CIC: variants seen among roughly 807,000 people sequenced by gnomAD.
CIC encodes the protein capicua transcriptional repressor.
CIC carries 18 observed loss-of-function variants against 115.7 expected under a neutral mutation model. The observed-to-expected ratio is 0.16, with a 90% CI of 0.11 to 0.23. CIC has a LOEUF of 0.23. CIC is among the 10% of genes least tolerant of loss of function. The pLI, the probability that CIC is intolerant of heterozygous loss-of-function variation, is 1.00. For synonymous variants in CIC, 1,076 were observed against 923.0 expected (o/e 1.17, Z -3.01); for missense variants, 2,000 against 2,159.3 (o/e 0.93, Z 1.46).
chr19:42,288,894 C>T lies in CIC; in HGVS notation c.3665C>T (p.Ser1222Phe). Residue 1222 changes from serine to phenylalanine, a missense_variant, in exon 8 of 21, where the codon TCT becomes TTT. Physicochemically the swap from Ser to Phe is radical, Grantham distance 155. This residue lies in a region of CIC where 1,466 missense variants were observed against 1,390.4 expected (regional missense o/e 1.05). Coordinates refer to ENST00000681038, the MANE Select transcript of CIC (RefSeq NM_001386298.1). ...TGTAAAPGVS[S>F]ELLSVAAQTL... ...GCCACTCTCTACTTTACAGTGTCCT[C>T]TGAGCTCCTGTCCGTTGCAGCCCAG... 6.2e-7 allele frequency: 1 copy of T among 1,613,992 alleles called. No individual in the cohort carries two copies. Among genetic ancestry groups the T allele is most frequent in the East Asian group, 2.2e-5 (1 of 44,888 alleles).
In CIC at chr19:42,286,903, C is replaced by T; in HGVS notation, c.2927C>T (p.Ala976Val). 1 of 1,611,630 alleles carries T rather than the reference C, an allele frequency of 6.2e-7. No individual in the cohort carries two copies. ...CAGCAACCTGCCAGCCACCCAGTGG[C>T]CTCCAACCAGAGCAAAGGTGAGGGC... ...EAQQPASHPV[A>V]SNQSKEPAES... The change falls in exon 3 of 21, where the codon GCC (alanine) becomes GTC (valine). Residue 976 changes from alanine (A) to valine (V), a missense_variant. Coordinates refer to ENST00000681038, the MANE Select transcript of CIC (RefSeq NM_001386298.1).
At chr19:42,277,453 C>T (rs2037027922) in intron 2 of CIC, among the ~76,000 whole-genome samples, 1 of 152,314 alleles carries the variant, frequency 6.6e-6, no homozygotes, top group African/African-American at 2.4e-5. Flanking sequence ...TGGTCTTCAA[C>T]TCCTGACCTC....
chr19:42,276,626 G>GT (rs1226023856), intron 2 of CIC, among the ~76,000 whole-genome samples: 1 of 152,218 alleles, frequency 6.6e-6, no homozygotes, highest in Non-Finnish European at 1.5e-5. Flanking sequence ...TGAGCTGTGT[G>GT]TTTCACCCTG....
chr19:42,275,126 T>C (rs1480606227), intron 2 of CIC, among the ~76,000 whole-genome samples: 1 of 152,206 alleles, frequency 6.6e-6, no homozygotes, highest in Non-Finnish European at 1.5e-5. Flanking sequence ...CAGGGTTACA[T>C]GGCTAGTCAA....
Position 42,280,893 on chromosome 19 carries a change from C to A in CIC, c.2795-5878C>A, listed in dbSNP as rs1599867364. ...CTTTCCCGCCCCCGCACCTTCCCTT[C>A]CCCAAACCCACGTCTCTCAACCCCC... On this transcript the variant is annotated intron_variant, in intron 2 of 20. Coordinates refer to ENST00000681038, the MANE Select transcript of CIC (RefSeq NM_001386298.1). This position sits in a 1 kb window ranked among gnomAD's most constrained non-coding sequence, Gnocchi z 4.9. Among the ~76,000 whole-genome samples the A allele has an allele frequency of 6.7e-6, 1 of 149,144 alleles. No individual in the cohort carries two copies. Among genetic ancestry groups the A allele is most frequent in the African/African-American group, 2.4e-5 (1 of 40,848 alleles).
At chr19:42,291,919 C>T (rs192928369) in intron 12 of CIC, among the ~76,000 whole-genome samples, 167 bp from the exon 13 acceptor site, 8 of 152,310 alleles carry the variant, frequency 5.3e-5, no homozygotes, top group South Asian at 4.1e-4. Context: ...TCTGTACCCT[C>T]CTCCTTCTCT....
chr19:42,289,150 C>T (rs556840228), intron 8 of CIC, 31 bp from the exon 9 acceptor site: 21 of 1,613,178 alleles, frequency 1.3e-5, no homozygotes, highest in African/African-American at 4.0e-5. Flanking sequence ...GCAGCAGCCC[C>T]GCTGAACCCT....
At chr19:42,285,545 C>T (rs1358469442) in intron 2 of CIC, among the ~76,000 whole-genome samples, 1 of 152,212 alleles carries the variant, frequency 6.6e-6, no homozygotes, top group African/African-American at 2.4e-5. Context: ...GTCTCGAGGC[C>T]AGTGCCTCGC....
chr19:42,291,993 C>T, intron 12 of CIC, 93 bp from the exon 13 acceptor site: 23 of 1,576,732 alleles, frequency 1.5e-5, no homozygotes, highest in Non-Finnish European at 1.9e-5. Flanking sequence ...GTGTTCCTTG[C>T]TTTTGCTTAG....
At chr19:42,271,496 C>T (rs972428426) in intron 1 of CIC, among the ~76,000 whole-genome samples, 2 of 152,198 alleles carry the variant, frequency 1.3e-5, no homozygotes, top group African/African-American at 4.8e-5. Flanking sequence ...CTTTTGATGT[C>T]CCCTTGGGGC....
In CIC at chr19:42,295,141, C is replaced by CGG; in HGVS notation, c.7504_7505insGG (p.Gln2502ArgfsTer28). ...ACAGCCTGGCTGGGAGGGGGCTCCC[C>CGG]AGCCCTCCCCCCCACCCCCAGGTCC... On this transcript the variant is annotated frameshift_variant, in exon 21 of 21. Transcript: ENST00000681038. LOFTEE classifies it high-confidence loss of function. 7.0e-7 allele frequency: 1 copy of CGG among 1,430,156 alleles called. No individual in the cohort carries two copies. Among genetic ancestry groups the CGG allele is most frequent in the Non-Finnish European group, 9.3e-7 (1 of 1,073,646 alleles). 88.6% of individuals were successfully genotyped at this position (1,430,156 alleles called of 1,614,324 possible).
intron 2 of CIC, among the ~76,000 whole-genome samples, chr19:42,285,358 G>A (rs987877767): frequency 2.0e-5 from 3 of 152,192 alleles, no homozygotes; most frequent in Admixed American, 1.3e-4. Context: ...TTTGCAAAGA[G>A]AGGCACAGGT....
At chr19:42,276,618 A>G (rs1446848394) in intron 2 of CIC, among the ~76,000 whole-genome samples, 1 of 152,182 alleles carries the variant, frequency 6.6e-6, no homozygotes, top group African/African-American at 2.4e-5. Context: ...TGAGGCTGTG[A>G]GCTGTGTGTT....
chr19:42,291,664 TGGAGGG>T lies in CIC; in HGVS notation c.5534_5539del (p.Gly1845_Gly1846del). The T allele has an allele frequency of 1.3e-6, 2 of 1,596,264 alleles. No homozygotes were observed. Among genetic ancestry groups the T allele is most frequent in the Non-Finnish European group, 8.5e-7 (1 of 1,174,054 alleles). On this transcript the variant is annotated inframe_deletion, in exon 12 of 21. Coordinates refer to ENST00000681038, the MANE Select transcript of CIC (RefSeq NM_001386298.1). ...CCGCCCCTAGCATGTCAGTGCGGGGTGGAGGGGCCGGCCAGCCACTGCCACTGGTGA... is the reference window on the plus strand; with the variant it reads ...CCGCCCCTAGCATGTCAGTGCGGGGTGCCGGCCAGCCACTGCCACTGGTGA...
Position 42,295,448 on chromosome 19 carries a change from C to T in CIC, c.*257C>T, listed in dbSNP as rs1374052426. 1 of 469,450 alleles carries T rather than the reference C, an allele frequency of 2.1e-6. No individual in the cohort carries two copies. Among genetic ancestry groups the T allele is most frequent in the Non-Finnish European group, 3.8e-6 (1 of 263,366 alleles). The allele number at this position is 469,450 out of a possible 1,614,324, so 29.1% of individuals were successfully genotyped here. A position where few individuals can be genotyped will look rare whatever the true frequency, so the allele number is the denominator to read the frequency against. ...AACCTGGAGCGTGTGACCTTCAGAG[C>T]TTTTCACTTTATGCAAAATGGCTCC... On this transcript the variant is annotated 3_prime_UTR_variant, in exon 21 of 21. Transcript: ENST00000681038.
Position 42,290,566 on chromosome 19 carries a change from C to G in CIC, c.4525C>G (p.Arg1509Gly). 6.2e-7 allele frequency: 1 copy of G among 1,613,696 alleles called. No individual in the cohort carries two copies. Among genetic ancestry groups the G allele is most frequent in the African/African-American group, 1.3e-5 (1 of 75,028 alleles). Residue 1509 changes from arginine (R) to glycine (G), a missense_variant, in exon 11 of 21, where the codon CGC becomes GGC. Physicochemically the swap from Arg to Gly is moderately radical, Grantham distance 125 (BLOSUM62 -2). Transcript: ENST00000681038. The stretch of plus-strand genomic sequence containing the variant: ...CCCAATGGATCCTGCCACCTTCCGG[C>G]GCAAGAGACCCGAAAGTGTGGGTGG... ...FLPMDPATFR[R>G]KRPESVGGLE...
intron 19 of CIC, 115 bp from the exon 20 acceptor site, chr19:42,294,489 C>G (rs780154157): frequency 1.9e-6 from 3 of 1,570,438 alleles, no homozygotes; most frequent in East Asian, 4.5e-5. Context: ...GGCAGGACCC[C>G]TCTCTGACTC....
rs1599927547 is a variant in CIC at position 42,292,549 on chromosome 19, T to G, written c.5903-17T>G. 1 of 1,612,718 alleles carries G rather than the reference T, an allele frequency of 6.2e-7. No individual in the cohort carries two copies. On this transcript the variant is annotated splice_polypyrimidine_tract_variant and intron_variant, in intron 14 of 20. Coordinates refer to ENST00000681038, the MANE Select transcript of CIC (RefSeq NM_001386298.1). ...GGCCCTAACTTGGTCTCCTGCTTCTTCTTCTCTGTCTTTCAGCAGGCCAAG... is the reference window on the plus strand; with the variant it reads ...GGCCCTAACTTGGTCTCCTGCTTCTGCTTCTCTGTCTTTCAGCAGGCCAAG...
At position 42,270,572 on chromosome 19, in the gene CIC, G is replaced by C. The variant is rs1339359856; in HGVS notation, c.-11+1191G>C. On this transcript the variant is annotated intron_variant, in intron 1 of 20. Transcript: ENST00000681038. The surrounding 1 kb of genome is among the most constrained non-coding windows in gnomAD (Gnocchi z 4.1). ...TGGGTGAGGTTGGCCTGTTGGGCTT[G>C]TCCTGCTTTCTTTGACCTTATCCCA... 1.3e-5 allele frequency among the ~76,000 whole-genome samples: 2 copies of C among 152,230 alleles called. No individual in the cohort carries two copies. The highest frequency in any genetic ancestry group is 2.9e-5 in the Non-Finnish European group (2 of 68,044).
Sources: gnomAD v4.1 joint callset for allele counts (sites outside exome capture counted in the v4.1 genomes callset) on GRCh38, gnomAD v4.1.1 for gene constraint, gnomAD v4.1.1 regional missense constraint, Gnocchi (gnomAD v3.1) non-coding constraint, MANE v1.5 for transcripts, NCBI Gene and HGNC (gene_info 2026-07-23, HGNC 2026-07-21) for gene names.